Variants in SPHKAP observed in about 807,000 individuals in gnomAD.
SPHKAP encodes SPHK1 interactor, AKAP domain containing.
A neutral mutation model predicts 137.5 loss-of-function variants in SPHKAP; 67 were observed. The observed-to-expected ratio is 0.49, with a 90% confidence interval of 0.40 to 0.60. The LOEUF (loss-of-function observed/expected upper bound fraction) is 0.60. Among genes scored for constraint, SPHKAP ranks in the 20% least tolerant of loss-of-function variants. The pLI is 0.00. For synonymous variants in SPHKAP, 813 were observed against 785.3 expected (o/e 1.04, Z -0.59); for missense variants, 2,097 against 2,069.3 (o/e 1.01, Z -0.26).
At position 228,181,557 on chromosome 2, in the gene SPHKAP, C is replaced by T. The variant is rs202065290; in HGVS notation, c.32+10G>A. The T allele has an allele frequency of 1.2e-5, 19 of 1,614,072 alleles. No individual in the cohort carries two copies. Among genetic ancestry groups the T allele is most frequent in the Admixed American group, 1.2e-4 (7 of 60,016 alleles). On this transcript the variant is annotated intron_variant, in intron 1 of 11. Transcript: ENST00000392056. The surrounding 1 kb of genome is among the most constrained non-coding windows in gnomAD (Gnocchi z 4.3). The stretch of plus-strand genomic sequence containing the variant: ...ACATGGTATTGGGCATAGAAAGAAG[C>T]GGGTCTTACCTTGGTACCGAGAGCA...
intron 3 of SPHKAP, among the ~76,000 whole-genome samples, chr2:228,075,638 A>G (rs1574826825): frequency 6.6e-6 from 1 of 152,332 alleles, no homozygotes; most frequent in South Asian, 2.1e-4. Context: ...TCATTCTTGA[A>G]AATGATGCCG....
rs544104516 is a variant in SPHKAP, at chr2:228,016,133, C to T, written c.4448+273G>A. Among the ~76,000 whole-genome samples, 9 of 152,060 alleles carry T rather than the reference C, an allele frequency of 5.9e-5. No individual in the cohort carries two copies. The South Asian group carries it at 1.5e-3, about 25-fold the overall frequency. On this transcript the variant is annotated intron_variant, in intron 7 of 11. Coordinates refer to ENST00000392056, the MANE Select transcript of SPHKAP (RefSeq NM_001142644.2). ...TAAGAAGAGATTTACTTTCAACTCT[C>T]TATCATAAATGCATATTAACCTAGG...
At chr2:228,147,284 C>A (rs752693530) in intron 1 of SPHKAP, among the ~76,000 whole-genome samples, 3 of 152,084 alleles carry the variant, frequency 2.0e-5, no homozygotes, top group African/African-American at 7.2e-5. Flanking sequence ...AGTCTATAGT[C>A]CTGAGATACC....
At position 228,114,890 on chromosome 2, in the gene SPHKAP, C is replaced by G. The variant is rs143049732; in HGVS notation, c.139-5951G>C. Among the ~76,000 whole-genome samples, 9 of 152,246 alleles carry G rather than the reference C, an allele frequency of 5.9e-5. 1 individual carries two copies. The East Asian group carries it at 1.4e-3, about 23-fold the overall frequency. On this transcript the variant is annotated intron_variant, in intron 2 of 11. Coordinates refer to ENST00000392056, the MANE Select transcript of SPHKAP (RefSeq NM_001142644.2). ...AGCGATAACTCTTCTAGAGAAAGAA[C>G]AAGCACTCTGACTGTGATAAAGGAA...
intron 7 of SPHKAP, among the ~76,000 whole-genome samples, chr2:227,997,650 C>A (rs1693685778): frequency 6.6e-6 from 1 of 152,126 alleles, no homozygotes; most frequent in Non-Finnish European, 1.5e-5. Flanking sequence ...TCAGCCAAGA[C>A]ACTCCCACCT....
intron 1 of SPHKAP, among the ~76,000 whole-genome samples, chr2:228,155,358 C>T (rs1222268540): frequency 6.6e-6 from 1 of 152,018 alleles, no homozygotes; most frequent in African/African-American, 2.4e-5. Context: ...CTATATGCAA[C>T]TATTATTAAT....
chr2:228,005,000 C>T (rs925435016), intron 7 of SPHKAP, among the ~76,000 whole-genome samples: 6 of 152,010 alleles, frequency 3.9e-5, no homozygotes, highest in African/African-American at 4.8e-5. Flanking sequence ...GGAATAGATG[C>T]GGTGTGGTTC....
Position 228,000,843 on chromosome 2 carries a change from AAACATCTGTG to A in SPHKAP, c.4449-5159_4449-5150del, listed in dbSNP as rs1413684511. On this transcript the variant is annotated intron_variant, in intron 7 of 11. Coordinates refer to ENST00000392056, the MANE Select transcript of SPHKAP (RefSeq NM_001142644.2). ...TGGCAATTCTAACTAAAGCTAGTATAAACATCTGTGTGCAGGTTTTTATATGGGCATAAGT... is the reference window on the plus strand; with the variant it reads ...TGGCAATTCTAACTAAAGCTAGTATATGCAGGTTTTTATATGGGCATAAGT... 4.6e-5 allele frequency among the ~76,000 whole-genome samples: 7 copies of A among 152,258 alleles called. No homozygotes were observed. The East Asian group carries it at 9.7e-4, about 21-fold the overall frequency.
At chr2:228,103,182 C>T (rs1328938736) in intron 3 of SPHKAP, among the ~76,000 whole-genome samples, 1 of 152,166 alleles carries the variant, frequency 6.6e-6, no homozygotes, top group Non-Finnish European at 1.5e-5. Flanking sequence ...TTCCCCCAAC[C>T]CCCCACAGAA....
intron 5 of SPHKAP, among the ~76,000 whole-genome samples, chr2:228,025,007 T>G (rs1694981240): frequency 6.6e-6 from 1 of 152,158 alleles, no homozygotes; most frequent in East Asian, 1.9e-4. Flanking sequence ...AAGGAATACA[T>G]AACATCTGAA....
At chr2:228,092,427 A>G (rs1243446228) in intron 3 of SPHKAP, among the ~76,000 whole-genome samples, 1 of 121,024 alleles carries the variant, frequency 8.3e-6, no homozygotes, top group African/African-American at 3.3e-5. Context: ...ATATATACAT[A>G]TATGTATATA....
At chr2:228,035,458 A>C (rs1423878051) in intron 3 of SPHKAP, among the ~76,000 whole-genome samples, 2 of 152,164 alleles carry the variant, frequency 1.3e-5, no homozygotes, top group African/African-American at 2.4e-5. Context: ...CATACTGCCC[A>C]AGGTAATTTA....
At chr2:228,088,362 G>GT (rs1697609392) in intron 3 of SPHKAP, among the ~76,000 whole-genome samples, 1 of 152,064 alleles carries the variant, frequency 6.6e-6, no homozygotes. Context: ...TGTATACCAT[G>GT]TATTTTGGGG....
intron 3 of SPHKAP, among the ~76,000 whole-genome samples, chr2:228,080,242 C>T (rs1420446938): frequency 2.6e-5 from 4 of 151,768 alleles, no homozygotes; most frequent in African/African-American, 9.7e-5. Flanking sequence ...GGGGTTAATA[C>T]CCAAAATATA....
At position 228,019,062 on chromosome 2, in the gene SPHKAP, C is replaced by T. The variant is rs1262911619; in HGVS notation, c.1792G>A (p.Ala598Thr). ...GCTAAACCACAAAGTGGGGGCATGG[C>T]TTCAGAAGCCTCAGCTGCAGGCGGG... is the stretch of plus-strand genomic sequence containing the variant. ...SLPPAAEASE[A>T]MPPLCGLASM... The change falls in exon 7 of 12, where the codon GCC (alanine) becomes ACC (threonine). Residue 598 changes from alanine to threonine, a missense_variant. Ala to Thr is a moderately conservative substitution (Grantham distance 58). Transcript: ENST00000392056. The T allele has an allele frequency of 8.1e-6, 13 of 1,614,004 alleles. No homozygotes were observed. Among genetic ancestry groups the T allele is most frequent in the Non-Finnish European group, 1.0e-5 (12 of 1,180,014 alleles).
chr2:228,012,811 G>A (rs1694440452), intron 7 of SPHKAP, among the ~76,000 whole-genome samples: 1 of 152,212 alleles, frequency 6.6e-6, no homozygotes, highest in African/African-American at 2.4e-5. Flanking sequence ...AGTATAGCAT[G>A]TGAATGCTCA....
chr2:228,065,331 C>T (rs1696790158), intron 3 of SPHKAP, among the ~76,000 whole-genome samples: 1 of 152,172 alleles, frequency 6.6e-6, no homozygotes, highest in Non-Finnish European at 1.5e-5. Flanking sequence ...AGCTCCTTCA[C>T]AGTCCTTGAC....
intron 7 of SPHKAP, among the ~76,000 whole-genome samples, chr2:228,011,745 T>C: frequency 6.6e-6 from 1 of 152,208 alleles, no homozygotes; most frequent in East Asian, 1.9e-4. Context: ...ATACGGGGTA[T>C]ACTGTGATGT....
At chr2:228,083,321 C>T (rs1478180282) in intron 3 of SPHKAP, among the ~76,000 whole-genome samples, 1 of 152,212 alleles carries the variant, frequency 6.6e-6, no homozygotes, top group Non-Finnish European at 1.5e-5. Flanking sequence ...ACAAGTGTTC[C>T]TATTTCTCCA....
Sources: gnomAD v4.1 joint callset for allele counts (sites outside exome capture counted in the v4.1 genomes callset) on GRCh38, gnomAD v4.1.1 for gene constraint, Gnocchi (gnomAD v3.1) non-coding constraint, MANE v1.5 for transcripts, NCBI Gene and HGNC (gene_info 2026-07-23, HGNC 2026-07-21) for gene names.